Variants in TECPR2 observed in about 807,000 individuals in gnomAD.
TECPR2 encodes the protein tectonin beta-propeller repeat containing 2.
In TECPR2, 65 loss-of-function variants were observed where a neutral mutation model predicts 138.1. The ratio of observed to expected loss-of-function variants is 0.47; its 90% CI spans 0.39 to 0.58. The LOEUF (loss-of-function observed/expected upper bound fraction) is 0.58. TECPR2 is among the 20% of genes least tolerant of loss of function. The probability of loss-of-function intolerance (pLI) is 0.00; values close to 1 mark genes in which losing one functional copy is unlikely to be tolerated. For synonymous variants in TECPR2, 746 were observed against 749.8 expected, an observed-to-expected ratio of 0.99 and a Z score of 0.08; for missense variants, 1,553 against 1,824.5, an observed-to-expected ratio of 0.85 and a Z score of 2.71.
At chr14:102,496,239 G>A (rs563849897) in intron 17 of TECPR2, among the ~76,000 whole-genome samples, 154 of 152,266 alleles carry the variant, frequency 1.0e-3, no homozygotes, top group African/African-American at 1.4e-3. Flanking sequence ...CTCGGGGCTC[G>A]GGTCACCCAC....
intron 6 of TECPR2, among the ~76,000 whole-genome samples, chr14:102,425,564 T>TTTGTTGTTGTTG (rs35980535): frequency 1.3e-5 from 2 of 151,684 alleles, no homozygotes; most frequent in African/African-American, 4.8e-5. Flanking sequence ...ACTTGTTCTT[T>TTTGTTGTTGTTG]TTGTTGTTGT....
At position 102,497,042 on chromosome 14, in the gene TECPR2, G is replaced by A; in HGVS notation, c.3853G>A (p.Asp1285Asn). ...SPNDQMLWVLDSRWNVHVRTG... is the reference protein window; with the variant it reads ...SPNDQMLWVLNSRWNVHVRTG... ...CAACGACCAGATGCTGTGGGTGCTT[G>A]ACAGCAGGTGGAACGTGCACGTGCG... The change falls in exon 18 of 20, where the codon GAC (aspartate) becomes AAC (asparagine). Residue 1285 changes from aspartate (D) to asparagine (N), a missense_variant. Physicochemically the swap from Asp to Asn is conservative, Grantham distance 23. Coordinates refer to ENST00000359520, the MANE Select transcript of TECPR2 (RefSeq NM_014844.5). The A allele has an allele frequency of 6.2e-7, 1 of 1,614,034 alleles. No individual in the cohort carries two copies. Among genetic ancestry groups the A allele is most frequent in the Non-Finnish European group, 8.5e-7 (1 of 1,180,038 alleles).
chr14:102,407,353 A>G lies in TECPR2; in HGVS notation c.235A>G (p.Ile79Val). 3 of 1,609,440 alleles carry G rather than the reference A, an allele frequency of 1.9e-6. No homozygotes were observed. The highest frequency in any genetic ancestry group is 1.7e-6 in the Non-Finnish European group (2 of 1,178,346). Residue 79 changes from isoleucine to valine, a missense_variant, in exon 3 of 20, where the codon ATC becomes GTC. By Grantham distance (29) the Ile-to-Val change is conservative (BLOSUM62 3). Coordinates refer to ENST00000359520, the MANE Select transcript of TECPR2 (RefSeq NM_014844.5). ...GTTTCCCCAGGGGAAGACGGAATCT[A>G]TCACTGTGGTGAAGCTGCTGAGCTG... is the stretch of plus-strand genomic sequence containing the variant. ...KYNFEGKTES[I>V]TVVKLLSCFD...
chr14:102,452,420 A>C lies in TECPR2; in HGVS notation c.3433A>C (p.Ser1145Arg). Residue 1145 changes from serine to arginine, a missense_variant, in exon 16 of 20, where the codon AGC becomes CGC. Ser to Arg is a moderately radical substitution (Grantham distance 110, BLOSUM62 -1). Coordinates refer to ENST00000359520, the MANE Select transcript of TECPR2 (RefSeq NM_014844.5). ...AAGCTTCCTGTGGCTGTGCCAGAGCAGCAAGGACCTGTGCAGCGTCAGCGC... is the reference window on the plus strand; with the variant it reads ...AAGCTTCCTGTGGCTGTGCCAGAGCCGCAAGGACCTGTGCAGCGTCAGCGC... ...EGSFLWLCQS[S>R]KDLCSVSAQS... 1 of 1,610,236 alleles carries C rather than the reference A, an allele frequency of 6.2e-7. No homozygotes were observed. Among genetic ancestry groups the C allele is most frequent in the Non-Finnish European group, 8.5e-7 (1 of 1,176,826 alleles).
At chr14:102,462,761 T>C (rs1890437929) in intron 16 of TECPR2, among the ~76,000 whole-genome samples, 1 of 152,106 alleles carries the variant, frequency 6.6e-6, no homozygotes, top group South Asian at 2.1e-4. Flanking sequence ...AAAAACACTA[T>C]TAAGAAAATG....
chr14:102,484,571 C>T (rs961556201), intron 17 of TECPR2, among the ~76,000 whole-genome samples: 4 of 152,104 alleles, frequency 2.6e-5, no homozygotes, highest in African/African-American at 9.7e-5. Context: ...TTCCAGGGCC[C>T]GCTGAGTCCT....
intron 17 of TECPR2, among the ~76,000 whole-genome samples, chr14:102,473,880 A>AAG (rs1890699015): frequency 6.6e-6 from 1 of 152,156 alleles, no homozygotes; most frequent in Non-Finnish European, 1.5e-5. Flanking sequence ...GCTTGAGTAG[A>AAG]AGAGGTGTCT....
intron 14 of TECPR2, 29 bp from the exon 15 acceptor site, chr14:102,450,531 A>T (rs1299661764): frequency 6.2e-7 from 1 of 1,610,168 alleles, no homozygotes; most frequent in South Asian, 1.1e-5. Context: ...TTCTTTCTTT[A>T]ACACATTCTT....
intron 7 of TECPR2, among the ~76,000 whole-genome samples, chr14:102,430,667 T>TA (rs1271154798): frequency 6.6e-6 from 1 of 152,178 alleles, no homozygotes; most frequent in Non-Finnish European, 1.5e-5. Context: ...GGTGTCGTGT[T>TA]GCAGAAAAGA....
At chr14:102,368,434 G>C (rs1887405089) in intron 1 of TECPR2, among the ~76,000 whole-genome samples, 1 of 152,008 alleles carries the variant, frequency 6.6e-6, no homozygotes, top group Non-Finnish European at 1.5e-5. Context: ...TCAAATTCCT[G>C]GGTTCAATCG....
rs1465356405 is a variant in TECPR2, at chr14:102,450,552, C to T, written c.3317-8C>T. 1.2e-6 allele frequency: 2 copies of T among 1,613,842 alleles called. No homozygotes were observed. The highest frequency in any genetic ancestry group is 8.5e-7 in the Non-Finnish European group (1 of 1,179,698). On this transcript the variant is annotated splice_region_variant and splice_polypyrimidine_tract_variant and intron_variant, in intron 14 of 19. Coordinates refer to ENST00000359520, the MANE Select transcript of TECPR2 (RefSeq NM_014844.5). Reference sequence around the variant, plus strand: ...CTTTAACACATTCTTCCTATTTACTCTTTCCAGGCACCTACTGGAATCATG... The same window carrying T: ...CTTTAACACATTCTTCCTATTTACTTTTTCCAGGCACCTACTGGAATCATG...
chr14:102,499,481 G>A lies in TECPR2; in HGVS notation c.*1224G>A. 1 of 513,130 alleles carries A rather than the reference G, an allele frequency of 1.9e-6. No individual in the cohort carries two copies. The allele number at this position is 513,130 out of a possible 1,614,324, so 31.8% of individuals were successfully genotyped here. A position where few individuals can be genotyped will look rare whatever the true frequency, so the allele number is the denominator to read the frequency against. ...CTCGCCTGCAGCCTCAGAGGGGCAG[G>A]CATCCCCGCACAGACTTGACTGGCA... On this transcript the variant is annotated 3_prime_UTR_variant, in exon 20 of 20. Transcript: ENST00000359520.
intron 4 of TECPR2, among the ~76,000 whole-genome samples, chr14:102,410,893 A>C (rs968707314): frequency 5.2e-4 from 79 of 152,366 alleles, no homozygotes; most frequent in African/African-American, 1.9e-3. Context: ...GTAAATAAAT[A>C]ATCTTTGCTG....
At chr14:102,402,406 A>C (rs1481220062) in intron 2 of TECPR2, among the ~76,000 whole-genome samples, 1 of 152,210 alleles carries the variant, frequency 6.6e-6, no homozygotes, top group Admixed American at 6.5e-5. Context: ...GTGCTAAAGG[A>C]GAAATTTATA....
At chr14:102,481,192 C>T (rs562943772) in intron 17 of TECPR2, among the ~76,000 whole-genome samples, 196 of 151,764 alleles carry the variant, frequency 1.3e-3, no homozygotes, top group South Asian at 5.2e-3. Context: ...TTAGTAGAGA[C>T]GGGGTTTCTC....
At chr14:102,401,122 C>T (rs930939097) in intron 2 of TECPR2, among the ~76,000 whole-genome samples, 2 of 152,022 alleles carry the variant, frequency 1.3e-5, no homozygotes, top group Non-Finnish European at 2.9e-5. Flanking sequence ...AATCAAAAGA[C>T]AAAGATTGTC....
intron 12 of TECPR2, among the ~76,000 whole-genome samples, chr14:102,445,301 C>G (rs1191379407): frequency 6.6e-6 from 1 of 152,000 alleles, no homozygotes; most frequent in South Asian, 2.1e-4. Context: ...CCTGGCACAT[C>G]GGGGGAGTTT....
At chr14:102,461,538 G>A (rs928234335) in intron 16 of TECPR2, among the ~76,000 whole-genome samples, 4 of 152,176 alleles carry the variant, frequency 2.6e-5, no homozygotes, top group African/African-American at 9.7e-5. Flanking sequence ...AAAAAAATAA[G>A]GACAAAGCAG....
At chr14:102,407,699 T>TA (rs1595107299) in intron 3 of TECPR2, among the ~76,000 whole-genome samples, 1 of 151,772 alleles carries the variant, frequency 6.6e-6, no homozygotes, top group East Asian at 1.9e-4. Context: ...CCATCTCTAC[T>TA]AAAAATACAA....
Sources: gnomAD v4.1 joint callset for allele counts (sites outside exome capture counted in the v4.1 genomes callset) on GRCh38, gnomAD v4.1.1 for gene constraint, MANE v1.5 for transcripts, NCBI Gene and HGNC (gene_info 2026-07-23, HGNC 2026-07-21) for gene names.